Variants in NMU observed in about 807,000 individuals in gnomAD.
NMU encodes neuromedin U.
Under a neutral mutation model 35.4 loss-of-function variants are expected in NMU, and 29 were observed. The observed-to-expected ratio is 0.82, with a 90% CI of 0.61 to 1.12. The LOEUF is 1.12. NMU is among the 50% of genes most tolerant of loss of function. The probability of loss-of-function intolerance (pLI) is 0.00; values close to 1 mark genes in which losing one functional copy is unlikely to be tolerated. For synonymous variants in NMU, 78 were observed against 81.3 expected (o/e 0.96, Z 0.22); for missense variants, 199 against 206.2 (o/e 0.97, Z 0.21).
chr4:55,635,853 C>A (rs1031027146), intron 1 of NMU, among the ~76,000 whole-genome samples: 2 of 152,260 alleles, frequency 1.3e-5, no homozygotes, highest in South Asian at 4.1e-4. Context: ...CATCAACGAG[C>A]AGGGCCTGGG....
intron 7 of NMU, among the ~76,000 whole-genome samples, chr4:55,603,203 G>T (rs544944357): frequency 2.1e-3 from 319 of 151,764 alleles, no homozygotes; most frequent in African/African-American, 7.6e-3. Context: ...GTAGAGACGG[G>T]ATTTCATCAT....
chr4:55,598,163 T>G (rs575213322), intron 9 of NMU, among the ~76,000 whole-genome samples: 1 of 137,840 alleles, frequency 7.3e-6, no homozygotes, highest in African/African-American at 2.6e-5. Flanking sequence ...GGAAAGATCA[T>G]AGCTCACAGC....
At chr4:55,596,835 T>C (rs1733203624) in intron 9 of NMU, among the ~76,000 whole-genome samples, 1 of 152,340 alleles carries the variant, frequency 6.6e-6, no homozygotes, top group Non-Finnish European at 1.5e-5. Flanking sequence ...ATCTTGTTCC[T>C]GACATTAACG....
At chr4:55,615,009 C>G (rs768716907) in intron 3 of NMU, among the ~76,000 whole-genome samples, 8 of 152,182 alleles carry the variant, frequency 5.3e-5, no homozygotes, top group Non-Finnish European at 1.2e-4. Context: ...AAGGCTGTTT[C>G]TTCACACTGG....
upstream of NMU, chr4:55,636,333 C>G: frequency 7.9e-7 from 1 of 1,260,466 alleles, no homozygotes; most frequent in Non-Finnish European, 1.0e-6. The surrounding 1 kb of genome is among the most constrained non-coding windows in gnomAD (Gnocchi z 4.0). Context: ...TTAAATCTCG[C>G]GCACAAGTGG....
At chr4:55,613,548 A>C (rs780886607) in intron 3 of NMU, among the ~76,000 whole-genome samples, 1 of 152,210 alleles carries the variant, frequency 6.6e-6, no homozygotes, top group Non-Finnish European at 1.5e-5. Flanking sequence ...TTTTGAGAAA[A>C]TAATGACAAT....
chr4:55,607,481 T>C lies in NMU; in HGVS notation c.280-15A>G. 1 of 866,416 alleles carries C rather than the reference T, an allele frequency of 1.2e-6. No individual in the cohort carries two copies. The highest frequency in any genetic ancestry group is 1.9e-6 in the Non-Finnish European group (1 of 538,336). The allele number at this position is 866,416 out of a possible 1,614,324, so 53.7% of individuals were successfully genotyped here. On this transcript the variant is annotated splice_polypyrimidine_tract_variant and intron_variant, in intron 4 of 9. Transcript: ENST00000264218. Reference sequence around the variant, plus strand: ...TCATCTTGTTCCTATTGAAAAGAGATATTGTATATATCATTATATATTGTA... The same window carrying C: ...TCATCTTGTTCCTATTGAAAAGAGACATTGTATATATCATTATATATTGTA...
chr4:55,599,414 A>C (rs1733336695), intron 8 of NMU, among the ~76,000 whole-genome samples: 1 of 152,198 alleles, frequency 6.6e-6, no homozygotes, highest in African/African-American at 2.4e-5. Flanking sequence ...TGCTGCAAAG[A>C]CCACCATGAA....
Position 55,607,972 on chromosome 4 carries a change from G to C in NMU, c.280-506C>G, listed in dbSNP as rs112673500. Among the ~76,000 whole-genome samples the C allele has an allele frequency of 1.2e-4, 19 of 152,086 alleles. 1 individual carries two copies. The highest frequency in any genetic ancestry group is 4.6e-4 in the African/African-American group (19 of 41,516). ...GATCACAAGGTCAGGAGACTGAGAC[G>C]ATCCTGGCTAACACGGTGAAACCCT... is the stretch of plus-strand genomic sequence containing the variant. On this transcript the variant is annotated intron_variant, in intron 4 of 9. Coordinates refer to ENST00000264218, the MANE Select transcript of NMU (RefSeq NM_006681.4).
intron 8 of NMU, among the ~76,000 whole-genome samples, 179 bp from the exon 9 acceptor site, chr4:55,599,360 T>C (rs984504252): frequency 7.9e-5 from 12 of 152,160 alleles, no homozygotes. Flanking sequence ...AGTCTGAGAA[T>C]CCTGAGAAAT....
intron 2 of NMU, among the ~76,000 whole-genome samples, chr4:55,618,453 C>T (rs1172112071): frequency 2.0e-5 from 3 of 151,984 alleles, no homozygotes; most frequent in Admixed American, 1.3e-4. Flanking sequence ...CTCCCACTTA[C>T]GAGTGAGAAA....
At chr4:55,612,988 A>G (rs1733995714) in intron 3 of NMU, among the ~76,000 whole-genome samples, 2 of 152,218 alleles carry the variant, frequency 1.3e-5, no homozygotes, top group African/African-American at 2.4e-5. Flanking sequence ...AAAGAATGAG[A>G]TCATATCCTT....
intron 1 of NMU, among the ~76,000 whole-genome samples, chr4:55,633,046 T>C (rs1005056445): frequency 6.1e-5 from 8 of 132,160 alleles, no homozygotes; most frequent in Non-Finnish European, 1.1e-4. Flanking sequence ...ATATCCTGGC[T>C]GGGTGCAGTG....
chr4:55,625,169 T>TA (rs760890031), intron 2 of NMU, among the ~76,000 whole-genome samples: 5,651 of 98,292 alleles, frequency 0.057, 435 homozygotes, highest in African/African-American at 0.17. Context: ...AAAGTATAAT[T>TA]AAAAAAAAAA....
At chr4:55,618,866 T>C (rs541524577) in intron 2 of NMU, among the ~76,000 whole-genome samples, 120 of 150,004 alleles carry the variant, frequency 8.0e-4, no homozygotes, top group Non-Finnish European at 1.6e-3. Context: ...CTCTCTCTCT[T>C]TCTTTCTTTC....
chr4:55,610,368 C>G (rs1289727336), intron 3 of NMU, among the ~76,000 whole-genome samples: 1 of 151,106 alleles, frequency 6.6e-6, no homozygotes, highest in African/African-American at 2.4e-5. Flanking sequence ...GAGGCTGAGG[C>G]AGGAGAATCA....
intron 2 of NMU, among the ~76,000 whole-genome samples, chr4:55,626,864 T>G (rs1158312398): frequency 6.6e-6 from 1 of 152,274 alleles, no homozygotes; most frequent in African/African-American, 2.4e-5. Flanking sequence ...CGATTTATAT[T>G]TGAAGTTTCA....
chr4:55,619,472 C>T (rs1274836392), intron 2 of NMU, among the ~76,000 whole-genome samples: 1 of 134,500 alleles, frequency 7.4e-6, no homozygotes, highest in Non-Finnish European at 1.6e-5. Context: ...TAAGAAACGG[C>T]GCACCACGAG....
chr4:55,615,376 GA>G, intron 3 of NMU, among the ~76,000 whole-genome samples: 1 of 152,322 alleles, frequency 6.6e-6, no homozygotes, highest in Non-Finnish European at 1.5e-5. Flanking sequence ...CCCTGTGGCT[GA>G]GAATCTGACT....
Sources: allele counts gnomAD v4.1 joint callset (sites outside exome capture counted in the v4.1 genomes callset), GRCh38; gene constraint gnomAD v4.1.1; non-coding constraint Gnocchi (gnomAD v3.1); transcripts MANE v1.5; gene names NCBI Gene and HGNC (gene_info 2026-07-23, HGNC 2026-07-21).